Variants in FAM107B observed in about 807,000 individuals in gnomAD.
FAM107B encodes family with sequence similarity 107 member B, also known as protein FAM107B.
In FAM107B, 21 loss-of-function variants were observed where a neutral mutation model predicts 31.5. That is an observed-to-expected ratio of 0.67 (90% CI 0.47 to 0.96). The LOEUF is 0.96. FAM107B is among the 40% of genes least tolerant of loss of function. The pLI, the probability that FAM107B is intolerant of heterozygous loss-of-function variation, is 0.00. For synonymous variants in FAM107B, 157 were observed against 141.5 expected, an observed-to-expected ratio of 1.11 and a Z score of -0.78; for missense variants, 452 against 377.1, an observed-to-expected ratio of 1.20 and a Z score of -1.64.
intron 1 of FAM107B, among the ~76,000 whole-genome samples, chr10:14,673,376 G>A (rs761273835): frequency 6.6e-6 from 1 of 152,136 alleles, no homozygotes; most frequent in African/African-American, 2.4e-5. Context: ...ATATGAGTCA[G>A]AACATGTGGT....
rs1845441282 is a variant in FAM107B at position 14,519,600 on chromosome 10, C to G, written c.*1590G>C. The G allele has an allele frequency of 6.6e-6, 1 of 152,192 alleles. No individual in the cohort carries two copies. The highest frequency in any genetic ancestry group is 6.5e-5 in the Admixed American group (1 of 15,286). 9.4% of individuals were successfully genotyped at this position (152,192 alleles called of 1,614,324 possible). The stretch of plus-strand genomic sequence containing the variant: ...TCAGGTATAATCAACTAACATGTTT[C>G]TCTAACTAGCAGTATATTATCATTG... On this transcript the variant is annotated 3_prime_UTR_variant, in exon 5 of 5. Transcript: ENST00000181796.
chr10:14,770,851 C>A (rs1180363443), intron 1 of FAM107B, among the ~76,000 whole-genome samples: 1 of 152,066 alleles, frequency 6.6e-6, no homozygotes, highest in Non-Finnish European at 1.5e-5. Flanking sequence ...TTACCTCAAG[C>A]TTTCTCTCTT....
At chr10:14,583,047 A>C (rs950735149) in intron 2 of FAM107B, among the ~76,000 whole-genome samples, 6 of 150,324 alleles carry the variant, frequency 4.0e-5, no homozygotes, top group African/African-American at 1.5e-4. Flanking sequence ...AGATCGCGCC[A>C]CTGCACTCCA....
At chr10:14,579,559 A>T (rs893263306) in intron 2 of FAM107B, among the ~76,000 whole-genome samples, 4 of 152,226 alleles carry the variant, frequency 2.6e-5, no homozygotes, top group African/African-American at 9.6e-5. Context: ...CAAGCAAAGA[A>T]ATGGAAATTC....
At chr10:14,700,723 A>G (rs922349337) in intron 1 of FAM107B, among the ~76,000 whole-genome samples, 1 of 150,970 alleles carries the variant, frequency 6.6e-6, no homozygotes, top group Non-Finnish European at 1.5e-5. Flanking sequence ...AGACTAAATA[A>G]CCATTTTCTG....
chr10:14,598,083 T>C (rs1015793369), intron 2 of FAM107B, among the ~76,000 whole-genome samples: 3 of 152,352 alleles, frequency 2.0e-5, no homozygotes, highest in Admixed American at 6.5e-5. Flanking sequence ...TAACCCCTTA[T>C]TGGATATGTA....
At chr10:14,735,977 T>C (rs1164340028) in intron 1 of FAM107B, among the ~76,000 whole-genome samples, 1 of 152,150 alleles carries the variant, frequency 6.6e-6, no homozygotes, top group Non-Finnish European at 1.5e-5. Flanking sequence ...AGGTAGGGAA[T>C]GATTATAGGT....
intron 2 of FAM107B, among the ~76,000 whole-genome samples, chr10:14,654,809 A>G (rs949922301): frequency 1.2e-4 from 19 of 152,200 alleles, no homozygotes; most frequent in African/African-American, 3.6e-4. Context: ...TTTACTAATC[A>G]TTAAAATCAT....
At chr10:14,569,201 A>C (rs899581727) in intron 2 of FAM107B, among the ~76,000 whole-genome samples, 1 of 152,208 alleles carries the variant, frequency 6.6e-6, no homozygotes, top group Non-Finnish European at 1.5e-5. Context: ...TATTCCACAA[A>C]TGATGTGTGT....
chr10:14,615,543 T>C (rs928700898), intron 2 of FAM107B, among the ~76,000 whole-genome samples: 2 of 152,252 alleles, frequency 1.3e-5, no homozygotes, highest in African/African-American at 4.8e-5. Context: ...CTGGCAGAAA[T>C]GCTCTTCCTC....
intron 1 of FAM107B, among the ~76,000 whole-genome samples, chr10:14,761,162 T>G (rs2131591080): frequency 6.6e-6 from 1 of 152,336 alleles, no homozygotes; most frequent in East Asian, 1.9e-4. Context: ...GTAATAAGTG[T>G]GAAGTCTAAC....
chr10:14,765,746 C>T (rs1266802013), intron 1 of FAM107B, among the ~76,000 whole-genome samples: 2 of 152,124 alleles, frequency 1.3e-5, no homozygotes, highest in African/African-American at 4.8e-5. Context: ...TAACAGAGAC[C>T]TTCACTAATA....
chr10:14,596,364 C>T (rs1424847422), intron 2 of FAM107B, among the ~76,000 whole-genome samples: 2 of 152,184 alleles, frequency 1.3e-5, no homozygotes, highest in Non-Finnish European at 2.9e-5. Flanking sequence ...AAACTCCATG[C>T]AGGCAGGGAG....
Position 14,630,178 on chromosome 10 carries a change from C to T in FAM107B, c.469+37456G>A, listed in dbSNP as rs188837252. 3.2e-3 allele frequency among the ~76,000 whole-genome samples: 484 copies of T among 151,582 alleles called. 4 individuals are homozygous for T. The South Asian group carries it at 0.032, about 10-fold the overall frequency. ...AAACATGCAAAATGTATTTCTCTTG[C>T]TCACTTCAGCAGTTTCACCTAAAGT... On this transcript the variant is annotated intron_variant, in intron 2 of 4. Transcript: ENST00000181796.
intron 1 of FAM107B, among the ~76,000 whole-genome samples, chr10:14,672,897 T>C (rs1281252530): frequency 1.3e-5 from 2 of 152,164 alleles, no homozygotes; most frequent in African/African-American, 4.8e-5. Flanking sequence ...ACATTGGGAG[T>C]TAACATTTCA....
At chr10:14,680,389 C>T (rs1163310806) in intron 1 of FAM107B, among the ~76,000 whole-genome samples, 2 of 152,038 alleles carry the variant, frequency 1.3e-5, no homozygotes, top group African/African-American at 4.8e-5. Flanking sequence ...GCCAGACCAA[C>T]ATGGCGAAAC....
At chr10:14,617,370 G>A (rs1263643964) in intron 2 of FAM107B, among the ~76,000 whole-genome samples, 4 of 152,206 alleles carry the variant, frequency 2.6e-5, no homozygotes, top group Admixed American at 1.3e-4. Flanking sequence ...AATCCCTGGA[G>A]AGGATACATG....
intron 2 of FAM107B, among the ~76,000 whole-genome samples, chr10:14,550,377 G>A (rs1290110320): frequency 6.6e-6 from 1 of 152,206 alleles, no homozygotes; most frequent in East Asian, 1.9e-4. Context: ...TGTCAGGTAT[G>A]AGGACTTTTG....
intron 2 of FAM107B, among the ~76,000 whole-genome samples, chr10:14,632,015 T>C (rs1236991471): frequency 6.6e-6 from 1 of 152,072 alleles, no homozygotes; most frequent in Non-Finnish European, 1.5e-5. Context: ...TTAAGAAATC[T>C]GGCCAGGCAC....
Sources: gnomAD v4.1 joint callset for allele counts (sites outside exome capture counted in the v4.1 genomes callset) on GRCh38, gnomAD v4.1.1 for gene constraint, MANE v1.5 for transcripts, NCBI Gene and HGNC (gene_info 2026-07-23, HGNC 2026-07-21) for gene names.